Variants in TMEM178B observed in about 807,000 individuals in gnomAD.
TMEM178B encodes transmembrane protein 178B.
In TMEM178B, 5 loss-of-function variants were observed where a neutral mutation model predicts 31.0. That is an observed-to-expected ratio of 0.16 (90% CI 0.08 to 0.34). The LOEUF (loss-of-function observed/expected upper bound fraction) is 0.34, where lower values mean the gene tolerates loss of function less well. Ranked by LOEUF, TMEM178B falls within the 10% of genes least tolerant of loss-of-function variation. TMEM178B has a pLI of 1.00. For synonymous variants in TMEM178B, 164 were observed against 164.0 expected (o/e 1.00, Z 0.00); for missense variants, 275 against 400.3 (o/e 0.69, Z 2.67).
Position 141,475,410 on chromosome 7 carries a change from T to G in TMEM178B, c.*4624T>G, listed in dbSNP as rs1802345500. On this transcript the variant is annotated 3_prime_UTR_variant, in exon 4 of 4. Transcript: ENST00000565468. Reference sequence around the variant, plus strand: ...TGTGATTACTGAGTATTGGATTTCTTTCCTGAATAATAACTGCTCATTGTA... The same window carrying G: ...TGTGATTACTGAGTATTGGATTTCTGTCCTGAATAATAACTGCTCATTGTA... The G allele has an allele frequency of 1.3e-5, 2 of 152,220 alleles. No individual in the cohort carries two copies. Among genetic ancestry groups the G allele is most frequent in the Admixed American group, 1.3e-4 (2 of 15,282 alleles). 9.4% of individuals were successfully genotyped at this position (152,220 alleles called of 1,614,324 possible).
At chr7:141,162,016 G>T (rs936677342) in intron 1 of TMEM178B, among the ~76,000 whole-genome samples, 1 of 152,110 alleles carries the variant, frequency 6.6e-6, no homozygotes, top group South Asian at 2.1e-4. Flanking sequence ...CCTTCCCAGC[G>T]CTGAGCAGCC....
chr7:141,089,237 A>G (rs1046975475), intron 1 of TMEM178B, among the ~76,000 whole-genome samples: 4 of 152,344 alleles, frequency 2.6e-5, no homozygotes, highest in Non-Finnish European at 5.9e-5. Context: ...GGATGAGGGG[A>G]CATCCAGCAA....
chr7:141,082,921 G>T (rs1247147108), intron 1 of TMEM178B, among the ~76,000 whole-genome samples: 1 of 152,182 alleles, frequency 6.6e-6, no homozygotes, highest in Non-Finnish European at 1.5e-5. Flanking sequence ...TTCTGTTGAA[G>T]AGGTCAGTTT....
At chr7:141,100,111 G>C (rs527538965) in intron 1 of TMEM178B, among the ~76,000 whole-genome samples, 20 of 152,192 alleles carry the variant, frequency 1.3e-4, no homozygotes, top group African/African-American at 4.6e-4. Flanking sequence ...GAGCCACTGC[G>C]CCCGACCAAA....
intron 1 of TMEM178B, among the ~76,000 whole-genome samples, chr7:141,186,053 T>C (rs1342392098): frequency 6.6e-6 from 1 of 152,182 alleles, no homozygotes; most frequent in Non-Finnish European, 1.5e-5. Flanking sequence ...TTACCACCTT[T>C]CCTGCCCACT....
chr7:141,287,615 T>C (rs1192455316), intron 2 of TMEM178B, among the ~76,000 whole-genome samples: 2 of 152,232 alleles, frequency 1.3e-5, no homozygotes, highest in East Asian at 1.9e-4. Flanking sequence ...GCTTGGGCTT[T>C]TGAGGATGTG....
the TMEM178B span, among the ~76,000 whole-genome samples, chr7:141,503,661 A>T: frequency 1.3e-5 from 2 of 152,134 alleles, no homozygotes; most frequent in Non-Finnish European, 2.9e-5. Context: ...ATTCTAATAA[A>T]CCCTAACTCA....
At chr7:141,215,930 G>C (rs2129188465) in intron 2 of TMEM178B, among the ~76,000 whole-genome samples, 1 of 124,470 alleles carries the variant, frequency 8.0e-6, no homozygotes, top group Non-Finnish European at 1.6e-5. Flanking sequence ...TTTTTTGACA[G>C]AGTCTTGTTC....
intron 2 of TMEM178B, among the ~76,000 whole-genome samples, chr7:141,338,416 G>A (rs112542745): frequency 0.041 from 6,313 of 152,154 alleles, 301 homozygotes; most frequent in African/African-American, 0.11. Context: ...TTTGGGGTTC[G>A]AGCTGGAGGG....
the TMEM178B span, among the ~76,000 whole-genome samples, chr7:141,499,937 G>A: frequency 6.6e-6 from 1 of 152,092 alleles, no homozygotes; most frequent in Non-Finnish European, 1.5e-5. Context: ...ATCCAGTGCA[G>A]TGTTTATTTT....
At chr7:141,197,380 T>C (rs1257001850) in intron 1 of TMEM178B, among the ~76,000 whole-genome samples, 1 of 152,234 alleles carries the variant, frequency 6.6e-6, no homozygotes, top group Non-Finnish European at 1.5e-5. Context: ...TTATTCTGCA[T>C]AGTGCTGCAG....
intron 2 of TMEM178B, among the ~76,000 whole-genome samples, chr7:141,308,577 C>A (rs2158680): frequency 0.38 from 57,663 of 151,906 alleles, 11,106 homozygotes; most frequent in Non-Finnish European, 0.4. Flanking sequence ...ACACATTTTT[C>A]TGTAGAACCC....
chr7:141,385,678 A>G (rs1800418696), intron 2 of TMEM178B, among the ~76,000 whole-genome samples: 1 of 152,178 alleles, frequency 6.6e-6, no homozygotes, highest in Non-Finnish European at 1.5e-5. Context: ...ATTCTCAGCC[A>G]TGTTTCAAGA....
chr7:141,179,105 C>T (rs915503193), intron 1 of TMEM178B, among the ~76,000 whole-genome samples: 1 of 152,172 alleles, frequency 6.6e-6, no homozygotes, highest in Admixed American at 6.5e-5. Context: ...AAGCCCTTGA[C>T]ATCAAACTGG....
At chr7:141,405,252 A>T (rs1358194333) in intron 2 of TMEM178B, among the ~76,000 whole-genome samples, 2 of 152,234 alleles carry the variant, frequency 1.3e-5, no homozygotes, top group Non-Finnish European at 2.9e-5. Context: ...GAGCTTTCAG[A>T]TACCTTGACT....
intron 3 of TMEM178B, among the ~76,000 whole-genome samples, chr7:141,442,705 G>C (rs561541926): frequency 9.9e-5 from 15 of 152,284 alleles, no homozygotes; most frequent in African/African-American, 3.1e-4. Flanking sequence ...CACCCTTTTA[G>C]AGAGGGCTTT....
At chr7:141,458,887 CAT>C (rs749961600) in intron 3 of TMEM178B, among the ~76,000 whole-genome samples, 3 of 152,228 alleles carry the variant, frequency 2.0e-5, no homozygotes, top group Middle Eastern at 3.2e-3. Flanking sequence ...CACACACACA[CAT>C]ACACACAAAC....
intron 2 of TMEM178B, among the ~76,000 whole-genome samples, chr7:141,354,250 T>C (rs1345895430): frequency 6.6e-6 from 1 of 152,258 alleles, no homozygotes; most frequent in Non-Finnish European, 1.5e-5. Flanking sequence ...GAGCTTAATA[T>C]AGACTTCAAA....
At chr7:141,118,046 A>G (rs181106263) in intron 1 of TMEM178B, among the ~76,000 whole-genome samples, 1 of 152,334 alleles carries the variant, frequency 6.6e-6, no homozygotes, top group Non-Finnish European at 1.5e-5. Context: ...GCTATCCCTT[A>G]TATAATTTTG....
Sources: gnomAD v4.1 joint callset for allele counts (sites outside exome capture counted in the v4.1 genomes callset) on GRCh38, gnomAD v4.1.1 for gene constraint, MANE v1.5 for transcripts, NCBI Gene and HGNC (gene_info 2026-07-23, HGNC 2026-07-21) for gene names.